PRKCD: variants seen among roughly 807,000 people sequenced by gnomAD.
PRKCD encodes the protein protein kinase C delta, also known as protein kinase C delta type.
In PRKCD, 20 loss-of-function variants were observed where a neutral mutation model predicts 82.2. That is an observed-to-expected ratio of 0.24 (90% CI 0.17 to 0.35). The LOEUF is 0.35. Among genes scored for constraint, PRKCD ranks in the 10% least tolerant of loss-of-function variants. The pLI, the probability that PRKCD is intolerant of heterozygous loss-of-function variation, is 1.00. For missense variants in PRKCD, 607 were observed against 899.0 expected (o/e 0.68, Z 4.15); for synonymous variants, 317 against 337.0 (o/e 0.94, Z 0.65).
intron 1 of PRKCD, among the ~76,000 whole-genome samples, chr3:53,164,036 GC>G (rs1340385316): frequency 2.6e-5 from 4 of 152,162 alleles, no homozygotes; most frequent in Non-Finnish European, 5.9e-5. Context: ...GGATGCCTCT[GC>G]CCCCAGGGAA....
intron 14 of PRKCD, 100 bp downstream of exon 14, chr3:53,186,795 T>G: frequency 8.0e-7 from 1 of 1,245,680 alleles, no homozygotes. Flanking sequence ...TCCCTCTCCC[T>G]AGAAAAGCCA....
In PRKCD at chr3:53,182,273, AT is replaced by A. The variant is rs35139478; in HGVS notation, c.571+554del. Among the ~76,000 whole-genome samples, 915 of 147,702 alleles carry A rather than the reference AT, an allele frequency of 6.2e-3. 19 individuals carry two copies. Among genetic ancestry groups the A allele is most frequent in the Admixed American group, 0.048 (707 of 14,858 alleles). On this transcript the variant is annotated intron_variant, in intron 7 of 18. Coordinates refer to ENST00000330452, the MANE Select transcript of PRKCD (RefSeq NM_006254.4). Reference sequence around the variant, plus strand: ...CTGTGCCTCAGTTTCCTCATCTATAATTTTTTTTTTTTTGAGACTGAGTCTC... The same window carrying A: ...CTGTGCCTCAGTTTCCTCATCTATAATTTTTTTTTTTTGAGACTGAGTCTC...
At chr3:53,185,730 T>C in intron 11 of PRKCD, 30 bp downstream of exon 11, 1 of 1,604,718 alleles carries the variant, frequency 6.2e-7, no homozygotes, top group Non-Finnish European at 8.5e-7. Flanking sequence ...CCCATTACGG[T>C]TTTTATTCCC....
chr3:53,182,586 T>C (rs879974329), intron 7 of PRKCD, among the ~76,000 whole-genome samples: 2 of 152,272 alleles, frequency 1.3e-5, no homozygotes, highest in Admixed American at 1.3e-4. Context: ...ATAAATTAGA[T>C]ATAACTATAA....
At chr3:53,182,328 G>A (rs1032472389) in intron 7 of PRKCD, among the ~76,000 whole-genome samples, 20 of 151,570 alleles carry the variant, frequency 1.3e-4, no homozygotes, top group African/African-American at 4.6e-4. Flanking sequence ...GAGTGCAGTT[G>A]TGCGATCTCA....
chr3:53,175,691 C>A (rs1423413365), intron 2 of PRKCD, among the ~76,000 whole-genome samples: 1 of 152,168 alleles, frequency 6.6e-6, no homozygotes, highest in African/African-American at 2.4e-5. Context: ...CATCATCCTC[C>A]GAGGCACTCA....
At chr3:53,180,803 C>G (rs116340924) in intron 4 of PRKCD, among the ~76,000 whole-genome samples, 4,704 of 152,196 alleles carry the variant, frequency 0.031, 222 homozygotes, top group African/African-American at 0.1. Flanking sequence ...GAGGGAGGAG[C>G]AGCGTGTGTG....
Position 53,165,194 on chromosome 3 carries a change from A to T in PRKCD, c.-41A>T, listed in dbSNP as rs1702795657. 1 of 152,372 alleles carries T rather than the reference A, an allele frequency of 6.6e-6. No individual in the cohort carries two copies. The highest frequency in any genetic ancestry group is 1.9e-4 in the East Asian group (1 of 5,186). The allele number at this position is 152,372 out of a possible 1,614,324, so 9.4% of individuals were successfully genotyped here. A position where few individuals can be genotyped will look rare whatever the true frequency, so the allele number is the denominator to read the frequency against. On this transcript the variant is annotated 5_prime_UTR_variant, in exon 2 of 19. Coordinates refer to ENST00000330452, the MANE Select transcript of PRKCD (RefSeq NM_006254.4). The stretch of plus-strand genomic sequence containing the variant: ...AGCAGCGGGAGCCAGGACTAAGGAC[A>T]AGCAGGAGCTGGGAGCCCCAGGTAG...
chr3:53,181,901 C>A, intron 7 of PRKCD, 169 bp downstream of exon 7: 1 of 1,028,060 alleles, frequency 9.7e-7, no homozygotes, highest in Non-Finnish European at 1.5e-6. Flanking sequence ...TGGCTTGCTG[C>A]TGCTCTGGAA....
chr3:53,173,633 C>G (rs1301519094), intron 2 of PRKCD: 2 of 152,148 alleles, frequency 1.3e-5, no homozygotes, highest in African/African-American at 4.8e-5. Flanking sequence ...AGGTGTCCGC[C>G]ACCACACCTG....
intron 4 of PRKCD, among the ~76,000 whole-genome samples, chr3:53,180,002 C>T (rs149800346): frequency 5.1e-4 from 77 of 152,302 alleles, no homozygotes; most frequent in African/African-American, 8.7e-4. Context: ...CTTCTGCTTC[C>T]GCATCTGTTA....
chr3:53,181,966 G>A (rs1553667727), intron 7 of PRKCD: 6 of 706,554 alleles, frequency 8.5e-6, no homozygotes, highest in Non-Finnish European at 1.3e-5. Context: ...GGAGTTGGTG[G>A]ATGGCAATTG....
chr3:53,179,917 G>A, intron 4 of PRKCD, 141 bp downstream of exon 4: 2 of 1,002,880 alleles, frequency 2.0e-6, no homozygotes, highest in Non-Finnish European at 2.9e-6. Flanking sequence ...CTGGCCACCA[G>A]TCCAGCCCTG....
At chr3:53,170,893 G>A (rs1198558751) in intron 2 of PRKCD, among the ~76,000 whole-genome samples, 40 of 152,120 alleles carry the variant, frequency 2.6e-4, no homozygotes, top group Admixed American at 2.6e-3. Context: ...GTGTGGGCCC[G>A]GGTATCTGTT....
intron 2 of PRKCD, among the ~76,000 whole-genome samples, chr3:53,175,201 G>T (rs1337642455): frequency 6.6e-6 from 1 of 152,166 alleles, no homozygotes; most frequent in African/African-American, 2.4e-5. Flanking sequence ...GTATGTTCAT[G>T]GAGACCTGGT....
At position 53,186,740 on chromosome 3, in the gene PRKCD, G is replaced by A. The variant is rs369997588; in HGVS notation, c.1352+45G>A. 3.4e-5 allele frequency: 51 copies of A among 1,514,394 alleles called. No individual in the cohort carries two copies. The African/African-American group carries it at 6.8e-4, about 20-fold the overall frequency. 93.8% of individuals were successfully genotyped at this position (1,514,394 alleles called of 1,614,324 possible). A position where few individuals can be genotyped will look rare whatever the true frequency, so the allele number is the denominator to read the frequency against. Reference sequence around the variant, plus strand: ...GGGAAGGGCCCAGTGTGGAGGAAGGGCTACTGGCTCAGAGCCCACTTCCAG... The same window carrying A: ...GGGAAGGGCCCAGTGTGGAGGAAGGACTACTGGCTCAGAGCCCACTTCCAG... On this transcript the variant is annotated intron_variant, in intron 14 of 18. Coordinates refer to ENST00000330452, the MANE Select transcript of PRKCD (RefSeq NM_006254.4).
chr3:53,189,661 G>A (rs1399216490), intron 17 of PRKCD, among the ~76,000 whole-genome samples: 4 of 152,210 alleles, frequency 2.6e-5, no homozygotes, highest in Non-Finnish European at 4.4e-5. Context: ...AGTTCCACCA[G>A]CAGAGTCGCA....
intron 2 of PRKCD, among the ~76,000 whole-genome samples, chr3:53,172,466 G>A (rs997740976): frequency 6.6e-6 from 1 of 152,180 alleles, no homozygotes; most frequent in Non-Finnish European, 1.5e-5. Context: ...CTGGGCCTTG[G>A]TCTCCTCCGC....
chr3:53,164,260 C>T (rs572717724), intron 1 of PRKCD, among the ~76,000 whole-genome samples: 48 of 152,276 alleles, frequency 3.2e-4, no homozygotes, highest in African/African-American at 1.1e-3. Flanking sequence ...GTGAGAATCA[C>T]CTGAACTGTA....
Sources: allele counts gnomAD v4.1 joint callset (sites outside exome capture counted in the v4.1 genomes callset), GRCh38; gene constraint gnomAD v4.1.1; transcripts MANE v1.5; gene names NCBI Gene and HGNC (gene_info 2026-07-23, HGNC 2026-07-21).